FUT9: variants seen among roughly 807,000 people sequenced by gnomAD.
FUT9 encodes the protein 4-galactosyl-N-acetylglucosaminide 3-alpha-L-fucosyltransferase 9.
Under a neutral mutation model 29.7 loss-of-function variants are expected in FUT9, and 15 were observed. The observed-to-expected ratio is 0.51, with a 90% CI of 0.34 to 0.78. The LOEUF is 0.78. Among genes scored for constraint, FUT9 ranks in the 30% least tolerant of loss-of-function variants. The pLI is 0.01. For missense variants in FUT9, 319 were observed against 425.4 expected (o/e 0.75, Z 2.20); for synonymous variants, 169 against 153.7 (o/e 1.10, Z -0.74).
chr6:96,085,069 G>T (rs992457928), intron 1 of FUT9, among the ~76,000 whole-genome samples: 1 of 151,952 alleles, frequency 6.6e-6, no homozygotes, highest in Admixed American at 6.6e-5. Flanking sequence ...GAACATATTC[G>T]CATAAGGCTT....
intron 2 of FUT9, among the ~76,000 whole-genome samples, chr6:96,200,366 T>C (rs1773706580): frequency 6.6e-6 from 1 of 152,162 alleles, no homozygotes; most frequent in Admixed American, 6.6e-5. Context: ...TTTGTATTAT[T>C]TGTTCAAAGT....
chr6:96,130,450 C>G (rs1020700523), intron 2 of FUT9, among the ~76,000 whole-genome samples: 2 of 152,052 alleles, frequency 1.3e-5, no homozygotes, highest in Admixed American at 1.3e-4. Flanking sequence ...ACATGGGCTC[C>G]ATTTAGTGCT....
At chr6:96,020,632 T>G (rs1325080) in intron 1 of FUT9, among the ~76,000 whole-genome samples, 111,738 of 151,852 alleles carry the variant, frequency 0.74, 41,332 homozygotes, top group Admixed American at 0.82. Flanking sequence ...TATTCTTGGT[T>G]ATGGTGGCTC....
At chr6:96,187,170 C>A (rs899381784) in intron 2 of FUT9, among the ~76,000 whole-genome samples, 21 of 152,204 alleles carry the variant, frequency 1.4e-4, no homozygotes, top group Non-Finnish European at 3.1e-4. Flanking sequence ...ATTCTCTATC[C>A]TGCCCTGTAA....
chr6:96,131,485 C>T (rs1487070146), intron 2 of FUT9, among the ~76,000 whole-genome samples: 1 of 152,016 alleles, frequency 6.6e-6, no homozygotes, highest in South Asian at 2.1e-4. Context: ...TGTTTCAAAT[C>T]GTCAACCTTA....
chr6:96,188,066 G>A (rs9391015), intron 2 of FUT9, among the ~76,000 whole-genome samples: 26,920 of 151,960 alleles, frequency 0.18, 2,693 homozygotes, highest in Admixed American at 0.25. Context: ...CTCTCCTGAT[G>A]GCACGTGACC....
intron 1 of FUT9, among the ~76,000 whole-genome samples, chr6:96,026,641 A>G (rs1562100068): frequency 1.3e-5 from 2 of 151,628 alleles, no homozygotes; most frequent in African/African-American, 4.8e-5. Flanking sequence ...ATTTTCCTAA[A>G]TAATCAAAAG....
At chr6:96,174,880 C>T (rs1174683238) in intron 2 of FUT9, among the ~76,000 whole-genome samples, 2 of 152,110 alleles carry the variant, frequency 1.3e-5, no homozygotes, top group African/African-American at 4.8e-5. Context: ...CAAACCAAAG[C>T]TCCTTGAAAT....
intron 2 of FUT9, among the ~76,000 whole-genome samples, chr6:96,143,873 C>T (rs1230733412): frequency 2.0e-5 from 3 of 151,792 alleles, no homozygotes; most frequent in Non-Finnish European, 4.4e-5. Context: ...ATAATTTAAG[C>T]AGATTGCCCT....
chr6:96,075,514 G>T (rs1303667389), intron 1 of FUT9, among the ~76,000 whole-genome samples: 1 of 151,974 alleles, frequency 6.6e-6, no homozygotes, highest in African/African-American at 2.4e-5. Context: ...GCAAAAGCAG[G>T]TTTGACATAT....
At chr6:96,055,363 G>C (rs931504221) in intron 1 of FUT9, among the ~76,000 whole-genome samples, 2 of 146,496 alleles carry the variant, frequency 1.4e-5, no homozygotes, top group Non-Finnish European at 3.0e-5. Context: ...TTTAAATCTC[G>C]AGTTAATGGC....
At chr6:96,111,166 G>A (rs1262679142) in intron 1 of FUT9, among the ~76,000 whole-genome samples, 1 of 152,112 alleles carries the variant, frequency 6.6e-6, no homozygotes, top group Non-Finnish European at 1.5e-5. Flanking sequence ...TTGATATAGA[G>A]GAAGAAACTG....
intron 2 of FUT9, among the ~76,000 whole-genome samples, chr6:96,200,564 A>C (rs1562162676): frequency 6.6e-6 from 1 of 152,136 alleles, no homozygotes; most frequent in Non-Finnish European, 1.5e-5. Context: ...GCATTTATTA[A>C]ATGGTGGCTA....
rs1325987831 is a variant in FUT9, at chr6:96,181,802, C to T, written c.-8-21346C>T. ...AGTAGTATTCCACCGTATATATAAC[C>T]CACAGTTTCTTTATCCACTCCTTGA... On this transcript the variant is annotated intron_variant, in intron 2 of 2. Transcript: ENST00000302103. Among the ~76,000 whole-genome samples the T allele has an allele frequency of 4.0e-5, 6 of 151,780 alleles. No homozygotes were observed. In the East Asian group the frequency reaches 7.7e-4, roughly 20 times the overall value.
At chr6:96,048,779 A>AG (rs1300023872) in intron 1 of FUT9, among the ~76,000 whole-genome samples, 5 of 152,084 alleles carry the variant, frequency 3.3e-5, no homozygotes, top group Non-Finnish European at 7.4e-5. Flanking sequence ...GGGAAATGAG[A>AG]GGGGGGGAAC....
chr6:96,172,781 T>C (rs1013958975), intron 2 of FUT9, among the ~76,000 whole-genome samples: 1 of 149,166 alleles, frequency 6.7e-6, no homozygotes, highest in Non-Finnish European at 1.5e-5. Flanking sequence ...TTCTCATTTG[T>C]CCAAAAAGAT....
rs1004992424 is a variant in FUT9, at chr6:96,154,995, A to G, written c.-9+40868A>G. Among the ~76,000 whole-genome samples the G allele has an allele frequency of 3.0e-4, 45 of 152,198 alleles. 1 individual carries two copies. The highest frequency in any genetic ancestry group is 2.6e-3 in the Admixed American group (40 of 15,282). On this transcript the variant is annotated intron_variant, in intron 2 of 2. Transcript: ENST00000302103. ...CTGAGGAGGCAATGACAGTCCCTGCAGTTACCCAAACTTTCTTAACATTTC... is the reference window on the plus strand; with the variant it reads ...CTGAGGAGGCAATGACAGTCCCTGCGGTTACCCAAACTTTCTTAACATTTC...
At chr6:96,186,692 G>T (rs2127987475) in intron 2 of FUT9, among the ~76,000 whole-genome samples, 1 of 152,262 alleles carries the variant, frequency 6.6e-6, no homozygotes, top group African/African-American at 2.4e-5. Context: ...GGAGTGGTTT[G>T]AAGGCCTGAA....
At chr6:96,139,317 TC>T (rs375344976) in intron 2 of FUT9, among the ~76,000 whole-genome samples, 67 of 152,308 alleles carry the variant, frequency 4.4e-4, no homozygotes, top group African/African-American at 1.5e-3. Flanking sequence ...AGAGGTGAGT[TC>T]CCACGGTCTT....
Sources: gnomAD v4.1 joint callset for allele counts (sites outside exome capture counted in the v4.1 genomes callset) on GRCh38, gnomAD v4.1.1 for gene constraint, MANE v1.5 for transcripts, NCBI Gene and HGNC (gene_info 2026-07-23, HGNC 2026-07-21) for gene names.